ALK: variants seen among roughly 807,000 people sequenced by gnomAD.
ALK encodes the protein ALK tyrosine kinase receptor.
ALK carries 74 observed loss-of-function variants against 163.1 expected under a neutral mutation model. The observed-to-expected ratio is 0.45, with a 90% CI of 0.38 to 0.55. ALK has a LOEUF of 0.55. ALK is among the 20% of genes least tolerant of loss of function. ALK has a pLI of 0.00. For missense variants in ALK, 2,063 were observed against 2,105.3 expected (o/e 0.98, Z 0.39); for synonymous variants, 960 against 843.2 (o/e 1.14, Z -2.40).
At chr2:29,831,259 G>GAAGAAGAAGAAGAAGAAGAAGAAGAAGAA (rs1665405322) in intron 1 of ALK, among the ~76,000 whole-genome samples, 4 of 28,150 alleles carry the variant, frequency 1.4e-4, no homozygotes, top group Non-Finnish European at 2.1e-4. Flanking sequence ...AAGAGGAAGA[G>GAAGAAGAAGAAGAAGAAGAAGAAGAAGAA]GAAGAAGAAG....
rs564043924 is a variant in ALK at position 29,690,914 on chromosome 2, C to T, written c.952+3936G>A. Among the ~76,000 whole-genome samples, 4 of 152,268 alleles carry T rather than the reference C, an allele frequency of 2.6e-5. No homozygotes were observed. In the East Asian group the frequency reaches 7.7e-4, roughly 29 times the overall value. On this transcript the variant is annotated intron_variant, in intron 3 of 28. Coordinates refer to ENST00000389048, the MANE Select transcript of ALK (RefSeq NM_004304.5). ...CTACATAATACTAAAGGCAACCCAT[C>T]CCCACTTCTCATCTTCACCACCAGC... is the stretch of plus-strand genomic sequence containing the variant.
At position 29,373,919 on chromosome 2, in the gene ALK, A is replaced by T. The variant is rs148463291; in HGVS notation, c.1282+9813T>A. Among the ~76,000 whole-genome samples, 1,142 of 152,358 alleles carry T rather than the reference A, an allele frequency of 7.5e-3. 11 individuals carry two copies. The highest frequency in any genetic ancestry group is 0.011 in the Non-Finnish European group (759 of 68,038). On this transcript the variant is annotated intron_variant, in intron 5 of 28. Coordinates refer to ENST00000389048, the MANE Select transcript of ALK (RefSeq NM_004304.5). Reference sequence around the variant, plus strand: ...ACCCAGTGACCAAGGTAAAAAAATGACTTTATCAGGCATAAGAGCATAGGT... The same window carrying T: ...ACCCAGTGACCAAGGTAAAAAAATGTCTTTATCAGGCATAAGAGCATAGGT...
At chr2:29,516,726 C>A (rs758827405) in intron 4 of ALK, among the ~76,000 whole-genome samples, 18 of 152,296 alleles carry the variant, frequency 1.2e-4, no homozygotes, top group African/African-American at 4.1e-4. Flanking sequence ...TAATATGTTA[C>A]CTCACAGGCC....
rs185677127 is a variant in ALK at position 29,737,337 on chromosome 2, T to A, written c.668-19640A>T. Among the ~76,000 whole-genome samples the A allele has an allele frequency of 4.5e-3, 680 of 151,740 alleles. 3 individuals are homozygous for A. Among genetic ancestry groups the A allele is most frequent in the Non-Finnish European group, 8.1e-3 (550 of 67,920 alleles). On this transcript the variant is annotated intron_variant, in intron 1 of 28. Transcript: ENST00000389048. The stretch of plus-strand genomic sequence containing the variant: ...TTATGTTTTGATGAATGTGAATTAC[T>A]TTTGAAAAACAAATGTAAAACTATT...
At chr2:29,466,386 C>A (rs1223580820) in intron 4 of ALK, among the ~76,000 whole-genome samples, 2 of 152,106 alleles carry the variant, frequency 1.3e-5, no homozygotes, top group African/African-American at 2.4e-5. Context: ...CTCACACTCA[C>A]CAAGCTTTAT....
At chr2:29,715,530 A>G (rs530245135) in intron 2 of ALK, among the ~76,000 whole-genome samples, 15 of 152,324 alleles carry the variant, frequency 9.8e-5, no homozygotes, top group African/African-American at 3.6e-4. Context: ...AGGCAGCTTA[A>G]TAAGCTTTCA....
intron 2 of ALK, among the ~76,000 whole-genome samples, chr2:29,696,972 G>A (rs1678586888): frequency 6.6e-6 from 1 of 151,482 alleles, no homozygotes; most frequent in African/African-American, 2.4e-5. Flanking sequence ...AAAAACCCTA[G>A]GTGATGGGTT....
intron 4 of ALK, among the ~76,000 whole-genome samples, chr2:29,449,241 T>C (rs11687641): frequency 0.071 from 10,778 of 152,218 alleles, 536 homozygotes; most frequent in Non-Finnish European, 0.11. Context: ...CACAATATAG[T>C]ATGGTACCGG....
intron 5 of ALK, among the ~76,000 whole-genome samples, chr2:29,335,657 C>A (rs1242825714): frequency 3.3e-5 from 5 of 152,158 alleles, no homozygotes; most frequent in African/African-American, 9.7e-5. Flanking sequence ...TCCCTGACTG[C>A]CCATGGGAGT....
At chr2:29,537,113 G>A (rs970689754) in intron 3 of ALK, among the ~76,000 whole-genome samples, 1 of 152,228 alleles carries the variant, frequency 6.6e-6, no homozygotes, top group Non-Finnish European at 1.5e-5. Flanking sequence ...GAAAGGAAAA[G>A]AACTTTTTCA....
intron 1 of ALK, among the ~76,000 whole-genome samples, chr2:29,757,867 G>A (rs781076291): frequency 3.4e-4 from 52 of 152,062 alleles, no homozygotes; most frequent in Admixed American, 2.2e-3. Flanking sequence ...CATCACACCA[G>A]CTGCAGTTTC....
intron 1 of ALK, among the ~76,000 whole-genome samples, chr2:29,776,089 C>A (rs1681167422): frequency 6.6e-6 from 1 of 152,086 alleles, no homozygotes; most frequent in South Asian, 2.1e-4. Flanking sequence ...TAATGTTGAT[C>A]ACCTTCTCCT....
chr2:29,334,724 C>A (rs771500536), intron 5 of ALK, among the ~76,000 whole-genome samples: 4 of 152,174 alleles, frequency 2.6e-5, no homozygotes, highest in Non-Finnish European at 4.4e-5. Context: ...AGTCTCCTTC[C>A]CCGAATGGAG....
intron 5 of ALK, among the ~76,000 whole-genome samples, chr2:29,369,400 A>G (rs1324037426): frequency 6.6e-6 from 1 of 152,154 alleles, no homozygotes; most frequent in African/African-American, 2.4e-5. Context: ...AGAAGGGGAA[A>G]GGGAAGAGAG....
chr2:29,813,974 G>C (rs184900516), intron 1 of ALK, among the ~76,000 whole-genome samples: 90 of 152,282 alleles, frequency 5.9e-4, no homozygotes, highest in African/African-American at 2.1e-3. Context: ...TAACATCCGA[G>C]AGGCTATCTC....
chr2:29,629,388 G>T (rs1170977864), intron 3 of ALK, among the ~76,000 whole-genome samples: 1 of 152,100 alleles, frequency 6.6e-6, no homozygotes, highest in African/African-American at 2.4e-5. Context: ...TCAAGCAGAG[G>T]AATATGACAA....
chr2:29,892,835 G>C (rs1667179212), intron 1 of ALK, among the ~76,000 whole-genome samples: 1 of 152,164 alleles, frequency 6.6e-6, no homozygotes, highest in Non-Finnish European at 1.5e-5. Context: ...AAGTAAGCTT[G>C]TGGTAGAGGG....
At chr2:29,335,587 G>A (rs1287645954) in intron 5 of ALK, among the ~76,000 whole-genome samples, 1 of 152,222 alleles carries the variant, frequency 6.6e-6, no homozygotes, top group African/African-American at 2.4e-5. Context: ...GACCTGGTGA[G>A]ATGATCCGAG....
intron 4 of ALK, among the ~76,000 whole-genome samples, chr2:29,436,738 A>T (rs1670410140): frequency 6.6e-6 from 1 of 152,166 alleles, no homozygotes; most frequent in South Asian, 2.1e-4. Flanking sequence ...TCCACTCTGC[A>T]CTTGTGGTTC....
Sources: gnomAD v4.1 joint callset for allele counts (sites outside exome capture counted in the v4.1 genomes callset) on GRCh38, gnomAD v4.1.1 for gene constraint, MANE v1.5 for transcripts, NCBI Gene and HGNC (gene_info 2026-07-23, HGNC 2026-07-21) for gene names.